Variants in ATP8B2 observed in about 807,000 individuals in gnomAD.
ATP8B2 encodes phospholipid-transporting ATPase ID.
In ATP8B2, 70 loss-of-function variants were observed where a neutral mutation model predicts 133.4. The observed-to-expected ratio is 0.52, with a 90% CI of 0.43 to 0.64. ATP8B2 has a LOEUF of 0.64. ATP8B2 is among the 30% of genes least tolerant of loss of function. The pLI is 0.00. For synonymous variants in ATP8B2, 517 were observed against 589.5 expected, an observed-to-expected ratio of 0.88 and a Z score of 1.78; for missense variants, 1,101 against 1,535.7, an observed-to-expected ratio of 0.72 and a Z score of 4.73.
chr1:154,331,023 G>A lies in ATP8B2; in HGVS notation c.205-25G>A. On this transcript the variant is annotated intron_variant, in intron 4 of 27. Transcript: ENST00000368489. This position sits in a 1 kb window ranked among gnomAD's most constrained non-coding sequence, Gnocchi z 4.8. ...GAAGGCATCAGATGGGGCCTCAGAG[G>A]CATACTTCTCTTTCTTTTTTTCAGT... 1 of 1,606,744 alleles carries A rather than the reference G, an allele frequency of 6.2e-7. No homozygotes were observed. The highest frequency in any genetic ancestry group is 8.5e-7 in the Non-Finnish European group (1 of 1,173,428).
rs772269868 is a variant in ATP8B2, at chr1:154,343,079, A to G, written c.1454-34A>G. On this transcript the variant is annotated intron_variant, in intron 15 of 27. Transcript: ENST00000368489. The surrounding 1 kb of genome is among the most constrained non-coding windows in gnomAD (Gnocchi z 5.8). ...GCGGGGCACGTGGCTGAGGGAAGCC[A>G]CTTATATCACGTGTATTCTTCCTCC... 1.2e-6 allele frequency: 2 copies of G among 1,601,318 alleles called. No individual in the cohort carries two copies. The highest frequency in any genetic ancestry group is 1.3e-5 in the African/African-American group (1 of 74,608).
rs1356206429 is a variant in ATP8B2 at position 154,349,163 on chromosome 1, G to C, written c.*45G>C. On this transcript the variant is annotated 3_prime_UTR_variant, in exon 28 of 28. Transcript: ENST00000368489. ...TGTGCCAGTGACCAGAGCACCCAGG[G>C]CTGGCCAGTCACTGAGGGAACAGCG... 2 of 1,589,326 alleles carry C rather than the reference G, an allele frequency of 1.3e-6. No individual in the cohort carries two copies. Among genetic ancestry groups the C allele is most frequent in the Admixed American group, 1.7e-5 (1 of 58,220 alleles).
rs1686001193 is a variant in ATP8B2 at position 154,331,755 on chromosome 1, T to C, written c.438+77T>C. 6.7e-7 allele frequency: 1 copy of C among 1,496,018 alleles called. No individual in the cohort carries two copies. Among genetic ancestry groups the C allele is most frequent in the Non-Finnish European group, 9.3e-7 (1 of 1,072,874 alleles). 92.7% of individuals were successfully genotyped at this position (1,496,018 alleles called of 1,614,324 possible). ...AGAAAAGGATGAATCTTTCCTGATTTACTGTTGCCTCTTAAACACCCGTGG... is the reference window on the plus strand; with the variant it reads ...AGAAAAGGATGAATCTTTCCTGATTCACTGTTGCCTCTTAAACACCCGTGG... On this transcript the variant is annotated intron_variant, in intron 7 of 27. Transcript: ENST00000368489. This position sits in a 1 kb window ranked among gnomAD's most constrained non-coding sequence, Gnocchi z 4.8.
chr1:154,336,539 G>A (rs985623242), intron 11 of ATP8B2, among the ~76,000 whole-genome samples: 7 of 147,086 alleles, frequency 4.8e-5, no homozygotes, highest in African/African-American at 1.8e-4. Flanking sequence ...CTGGAGTGTA[G>A]TGCAATGGCA....
rs577186673 is a variant in ATP8B2 at position 154,332,696 on chromosome 1, C to T, written c.588C>T (p.Asp196=). 28 of 1,570,642 alleles carry T rather than the reference C, an allele frequency of 1.8e-5. No individual in the cohort carries two copies. The highest frequency in any genetic ancestry group is 9.5e-5 in the African/African-American group (7 of 73,988). The change falls in exon 9 of 28, where the codon GAC becomes GAT. Residue 196 remains aspartate, a splice_region_variant and synonymous_variant. Coordinates refer to ENST00000368489, the MANE Select transcript of ATP8B2 (RefSeq NM_001370597.1). ...ACATCAGTAAGCTTGCCAAGTTTGA[C>T]GGTGAGTAATTTTGGAGGAGCAGCC... is the stretch of plus-strand genomic sequence containing the variant. The part of the protein sequence containing the change: ...LGDISKLAKF[D]GEVICEPPNN...
Position 154,345,581 on chromosome 1 carries a change from T to C in ATP8B2, c.2694+36T>C. 6.4e-7 allele frequency: 1 copy of C among 1,561,844 alleles called. No individual in the cohort carries two copies. The highest frequency in any genetic ancestry group is 8.8e-7 in the Non-Finnish European group (1 of 1,139,154). Reference sequence around the variant, plus strand: ...TTCCCAGTCCACTGTTGTGCAAATCTGTAAACCTGAGGGCAGAGGTTCTGT... The same window carrying C: ...TTCCCAGTCCACTGTTGTGCAAATCCGTAAACCTGAGGGCAGAGGTTCTGT... On this transcript the variant is annotated intron_variant, in intron 23 of 27. Coordinates refer to ENST00000368489, the MANE Select transcript of ATP8B2 (RefSeq NM_001370597.1). This position sits in a 1 kb window ranked among gnomAD's most constrained non-coding sequence, Gnocchi z 5.6.
At chr1:154,329,197 C>T in intron 2 of ATP8B2, 1 of 963,782 alleles carries the variant, frequency 1.0e-6, no homozygotes, top group Non-Finnish European at 1.4e-6. Flanking sequence ...CCCAGAGATC[C>T]TGGCTCCGAA....
chr1:154,328,080 C>G lies in ATP8B2; in HGVS notation c.-37-25C>G. The G allele has an allele frequency of 6.2e-7, 1 of 1,610,982 alleles. No homozygotes were observed. Among genetic ancestry groups the G allele is most frequent in the Non-Finnish European group, 8.5e-7 (1 of 1,177,140 alleles). The stretch of plus-strand genomic sequence containing the variant: ...GAAGGGTTATCCTCAGCTTCCTGAC[C>G]TCATTCGTCTGTCACTTCTTGCAGG... On this transcript the variant is annotated intron_variant, in intron 1 of 27. Transcript: ENST00000368489. This position sits in a 1 kb window ranked among gnomAD's most constrained non-coding sequence, Gnocchi z 4.6.
Position 154,331,196 on chromosome 1 carries a change from C to A in ATP8B2, c.303+50C>A. The A allele has an allele frequency of 6.6e-7, 1 of 1,513,718 alleles. No homozygotes were observed. The highest frequency in any genetic ancestry group is 9.1e-7 in the Non-Finnish European group (1 of 1,097,276). 93.8% of individuals were successfully genotyped at this position (1,513,718 alleles called of 1,614,324 possible). ...TTGTCCCAGTCACCCACCCCTACTC[C>A]CAGCCCCACCCCCATCTCATGGCCA... On this transcript the variant is annotated intron_variant, in intron 5 of 27. Coordinates refer to ENST00000368489, the MANE Select transcript of ATP8B2 (RefSeq NM_001370597.1). The surrounding 1 kb of genome is among the most constrained non-coding windows in gnomAD (Gnocchi z 4.8).
rs118078368 is a variant in ATP8B2, at chr1:154,344,673, G to A, written c.2174G>A (p.Arg725His). ...CGGGAGAAGATGATGGACTCATCCC[G>A]CTCCGTAGGCAACGGCTTCACCTAT... ...KAREKMMDSS[R>H]SVGNGFTYQD... The change falls in exon 21 of 28, where the codon CGC becomes CAC. Residue 725 changes from arginine to histidine, a missense_variant. Coordinates refer to ENST00000368489, the MANE Select transcript of ATP8B2 (RefSeq NM_001370597.1). This position sits in a 1 kb window ranked among gnomAD's most constrained non-coding sequence, Gnocchi z 4.1. 5.4e-4 allele frequency: 876 copies of A among 1,612,068 alleles called. 4 individuals carry two copies. The East Asian group carries it at 0.018, about 33-fold the overall frequency.
rs1017840187 is a variant in ATP8B2, at chr1:154,345,706, T to G, written c.2695-94T>G. 3.6e-6 allele frequency: 5 copies of G among 1,380,700 alleles called. No individual in the cohort carries two copies. In the African/African-American group the frequency reaches 7.2e-5, roughly 20 times the overall value. The allele number at this position is 1,380,700 out of a possible 1,614,324, so 85.5% of individuals were successfully genotyped here. ...GAGAGAAGGAGCCTCAGAAAATTTC[T>G]TAGGGTTCTCTGTATGTGACATCAG... On this transcript the variant is annotated intron_variant, in intron 23 of 27. Coordinates refer to ENST00000368489, the MANE Select transcript of ATP8B2 (RefSeq NM_001370597.1). The surrounding 1 kb of genome is among the most constrained non-coding windows in gnomAD (Gnocchi z 5.6).
Position 154,349,037 on chromosome 1 carries a change from C to T in ATP8B2, c.3492C>T (p.Ser1164=). 2 of 1,614,242 alleles carry T rather than the reference C, an allele frequency of 1.2e-6. No homozygotes were observed. The change falls in exon 28 of 28, where the codon AGC becomes AGT. Residue 1164 remains serine, a synonymous_variant. Transcript: ENST00000368489. ...LSSFTTRSSS[S]WIESLRRKKS... ...GCTTCACCACCCGCTCCAGCTCCAG[C>T]TGGATTGAGAGCCTGCGCAGGAAGA...
rs962236801 is a variant in ATP8B2 at position 154,328,768 on chromosome 1, G to A, written c.31+596G>A. On this transcript the variant is annotated intron_variant, in intron 2 of 27. Coordinates refer to ENST00000368489, the MANE Select transcript of ATP8B2 (RefSeq NM_001370597.1). This position sits in a 1 kb window ranked among gnomAD's most constrained non-coding sequence, Gnocchi z 4.6. Reference sequence around the variant, plus strand: ...CAGCGCACGCTGGCATCCGCCGGGGGGCATGGGGGGCGGCGGCGGCGGCGC... The same window carrying A: ...CAGCGCACGCTGGCATCCGCCGGGGAGCATGGGGGGCGGCGGCGGCGGCGC... The A allele has an allele frequency of 5.0e-6, 5 of 999,234 alleles. No individual in the cohort carries two copies. Among genetic ancestry groups the A allele is most frequent in the Non-Finnish European group, 6.0e-6 (5 of 840,026 alleles). 61.9% of individuals were successfully genotyped at this position (999,234 alleles called of 1,614,324 possible). A position where few individuals can be genotyped will look rare whatever the true frequency, so the allele number is the denominator to read the frequency against.
At chr1:154,342,678 A>G in intron 14 of ATP8B2, 118 bp from the exon 15 acceptor site, 1 of 1,464,388 alleles carries the variant, frequency 6.8e-7, no homozygotes, top group Non-Finnish European at 9.5e-7. Context: ...GGAAGTGGAA[A>G]TTTTGAGGTC....
In ATP8B2 at chr1:154,343,937, G is replaced by A; in HGVS notation, c.1803G>A (p.Lys601=). The A allele has an allele frequency of 6.2e-7, 1 of 1,613,972 alleles. No individual in the cohort carries two copies. Among genetic ancestry groups the A allele is most frequent in the Non-Finnish European group, 8.5e-7 (1 of 1,179,924 alleles). Residue 601 remains lysine, a synonymous_variant, in exon 18 of 28, where the codon AAG becomes AAA. Transcript: ENST00000368489. The surrounding 1 kb of genome is among the most constrained non-coding windows in gnomAD (Gnocchi z 5.8). ...EGLRTLVLAY[K]DLDEEYYEEW... is the part of the protein sequence containing the mutation. ...TGAGGACCCTGGTGCTGGCCTACAA[G>A]GATCTGGATGAAGAGTACTACGAGG... is the stretch of plus-strand genomic sequence containing the variant.
chr1:154,328,590 C>T lies in ATP8B2; in HGVS notation c.31+418C>T, dbSNP rs1685870779. ...TGCCCCCGACAACGCCGGCAGTCCG[C>T]TCACCCGCATTGGCCCGGCCCGGGG... On this transcript the variant is annotated intron_variant, in intron 2 of 27. Coordinates refer to ENST00000368489, the MANE Select transcript of ATP8B2 (RefSeq NM_001370597.1). This position sits in a 1 kb window ranked among gnomAD's most constrained non-coding sequence, Gnocchi z 4.6. Among the ~76,000 whole-genome samples the T allele has an allele frequency of 1.3e-5, 2 of 152,282 alleles. No individual in the cohort carries two copies. Among genetic ancestry groups the T allele is most frequent in the Admixed American group, 1.3e-4 (2 of 15,302 alleles).
At position 154,344,672 on chromosome 1, in the gene ATP8B2, C is replaced by A; in HGVS notation, c.2173C>A (p.Arg725Ser). ...KAREKMMDSS[R>S]SVGNGFTYQD... ...CCGGGAGAAGATGATGGACTCATCCCGCTCCGTAGGCAACGGCTTCACCTA... is the reference window on the plus strand; with the variant it reads ...CCGGGAGAAGATGATGGACTCATCCAGCTCCGTAGGCAACGGCTTCACCTA... The change falls in exon 21 of 28, where the codon CGC becomes AGC. Residue 725 changes from arginine (R) to serine (S), a missense_variant. Arg to Ser is a moderately radical substitution (Grantham distance 110, BLOSUM62 -1). Transcript: ENST00000368489. This position sits in a 1 kb window ranked among gnomAD's most constrained non-coding sequence, Gnocchi z 4.1. 6.2e-7 allele frequency: 1 copy of A among 1,611,954 alleles called. No individual in the cohort carries two copies.
In ATP8B2 at chr1:154,330,837, A is replaced by G. The variant is rs554905339; in HGVS notation, c.113A>G (p.Lys38Arg). 2 of 1,614,092 alleles carry G rather than the reference A, an allele frequency of 1.2e-6. No individual in the cohort carries two copies. The highest frequency in any genetic ancestry group is 3.3e-5 in the Admixed American group (2 of 60,024). Residue 38 changes from lysine to arginine, a missense_variant, in exon 4 of 28, where the codon AAG becomes AGG. Lys to Arg is a conservative substitution (Grantham distance 26). Coordinates refer to ENST00000368489, the MANE Select transcript of ATP8B2 (RefSeq NM_001370597.1). ...TAGAGTAACTGCATCAAGACCTCCA[A>G]GTACAATATTCTCACCTTCCTGCCT... ...QYASNCIKTSKYNILTFLPVN... is the reference protein window; with the variant it reads ...QYASNCIKTSRYNILTFLPVN...
chr1:154,333,610 G>T, intron 9 of ATP8B2, among the ~76,000 whole-genome samples: 1 of 148,012 alleles, frequency 6.8e-6, no homozygotes. Context: ...TTTCATACAT[G>T]TTTGTACAAA....
Sources: gnomAD v4.1 joint callset for allele counts (sites outside exome capture counted in the v4.1 genomes callset) on GRCh38, gnomAD v4.1.1 for gene constraint, Gnocchi (gnomAD v3.1) non-coding constraint, MANE v1.5 for transcripts, NCBI Gene and HGNC (gene_info 2026-07-23, HGNC 2026-07-21) for gene names.